The following CNTNAP2 variants were observed in gnomAD, a reference collection of about 807,000 sequenced individuals.
CNTNAP2 encodes the protein contactin associated protein 2.
A neutral mutation model predicts 155.2 loss-of-function variants in CNTNAP2; 98 were observed. The ratio of observed to expected loss-of-function variants is 0.63; its 90% CI spans 0.54 to 0.75. CNTNAP2 has a LOEUF of 0.75. CNTNAP2 is among the 30% of genes least tolerant of loss of function. The pLI, the probability that CNTNAP2 is intolerant of heterozygous loss-of-function variation, is 0.00. For missense variants in CNTNAP2, 1,727 were observed against 1,688.1 expected (o/e 1.02, Z -0.40); for synonymous variants, 651 against 631.2 (o/e 1.03, Z -0.47).
At chr7:147,174,598 A>G (rs538759826) in intron 8 of CNTNAP2, among the ~76,000 whole-genome samples, 114 of 152,292 alleles carry the variant, frequency 7.5e-4, no homozygotes, top group African/African-American at 2.6e-3. Context: ...CACATAGATT[A>G]TACATATGCT....
At chr7:147,308,308 G>A (rs902060338) in intron 9 of CNTNAP2, among the ~76,000 whole-genome samples, 2 of 152,182 alleles carry the variant, frequency 1.3e-5, no homozygotes, top group South Asian at 2.1e-4. Context: ...AGGTTGGACC[G>A]AGTGAATCTA....
intron 22 of CNTNAP2, among the ~76,000 whole-genome samples, chr7:148,388,653 C>T (rs978245391): frequency 6.6e-6 from 1 of 151,970 alleles, no homozygotes; most frequent in African/African-American, 2.4e-5. Context: ...TTTTCCCTAT[C>T]TTTGTGGTTT....
chr7:147,718,609 C>T (rs1796517254), intron 13 of CNTNAP2, among the ~76,000 whole-genome samples: 1 of 151,844 alleles, frequency 6.6e-6, no homozygotes, highest in Non-Finnish European at 1.5e-5. Flanking sequence ...TTTGGTAAGA[C>T]CTGTTTTGCT....
intron 1 of CNTNAP2, among the ~76,000 whole-genome samples, chr7:146,709,951 G>T (rs1446928349): frequency 6.6e-6 from 1 of 152,160 alleles, no homozygotes; most frequent in Non-Finnish European, 1.5e-5. Context: ...GGTCAACATT[G>T]TATAGGAGAG....
chr7:147,063,345 T>A (rs183370895), intron 4 of CNTNAP2, among the ~76,000 whole-genome samples: 2 of 147,432 alleles, frequency 1.4e-5, no homozygotes, highest in African/African-American at 5.0e-5. Context: ...ATCCTATATA[T>A]GAAATGACTT....
chr7:147,546,906 A>G (rs1210046111), intron 11 of CNTNAP2, among the ~76,000 whole-genome samples: 1 of 152,158 alleles, frequency 6.6e-6, no homozygotes, highest in African/African-American at 2.4e-5. Flanking sequence ...GGCCACATCA[A>G]TTTCTGAGAC....
intron 13 of CNTNAP2, among the ~76,000 whole-genome samples, chr7:147,756,515 A>T (rs1011613324): frequency 5.3e-5 from 8 of 152,218 alleles, no homozygotes; most frequent in African/African-American, 1.9e-4. Flanking sequence ...AGGATAGCCG[A>T]TGTTTTGTCA....
chr7:147,309,507 T>C (rs1163375122), intron 9 of CNTNAP2, among the ~76,000 whole-genome samples: 1 of 152,158 alleles, frequency 6.6e-6, no homozygotes, highest in African/African-American at 2.4e-5. Flanking sequence ...TTTTTCTTAG[T>C]ATTTTTAATA....
At chr7:146,203,482 G>C (rs1241551703) in intron 1 of CNTNAP2, among the ~76,000 whole-genome samples, 4 of 152,308 alleles carry the variant, frequency 2.6e-5, no homozygotes, top group African/African-American at 9.6e-5. Flanking sequence ...GGATGAGTGT[G>C]GCAGTGTACA....
chr7:146,365,493 A>T (rs1056357871), intron 1 of CNTNAP2, among the ~76,000 whole-genome samples: 2 of 152,242 alleles, frequency 1.3e-5, no homozygotes, highest in African/African-American at 4.8e-5. Flanking sequence ...TAAAGGACAG[A>T]TACATGTGTC....
chr7:147,772,793 C>G (rs986639748), intron 13 of CNTNAP2, among the ~76,000 whole-genome samples: 2 of 152,114 alleles, frequency 1.3e-5, no homozygotes, highest in East Asian at 1.9e-4. Context: ...AGAGACATCT[C>G]CCACATACAG....
intron 1 of CNTNAP2, among the ~76,000 whole-genome samples, chr7:146,472,202 T>G (rs971302569): frequency 1.3e-5 from 2 of 152,158 alleles, no homozygotes; most frequent in Middle Eastern, 3.2e-3. Flanking sequence ...ATTAATATAT[T>G]TAGACCTAAT....
chr7:147,070,637 T>C (rs1403611922), intron 4 of CNTNAP2, among the ~76,000 whole-genome samples: 1 of 152,164 alleles, frequency 6.6e-6, no homozygotes, highest in African/African-American at 2.4e-5. Context: ...AGCTTTGCAT[T>C]TGTCATTAAA....
In CNTNAP2 at chr7:147,885,403, C is replaced by G. The variant is rs1160531171; in HGVS notation, c.2099-18162C>G. Among the ~76,000 whole-genome samples the G allele has an allele frequency of 2.6e-5, 4 of 152,150 alleles. No homozygotes were observed. The East Asian group carries it at 7.7e-4, about 29-fold the overall frequency. ...CACGTTGGGAAGAAGTAGTAAATAT[C>G]ATAATAGTGATTGTAGTTATTGATC... On this transcript the variant is annotated intron_variant, in intron 13 of 23. Transcript: ENST00000361727.
chr7:148,316,671 TA>T (rs752209467), intron 21 of CNTNAP2, among the ~76,000 whole-genome samples: 1 of 152,052 alleles, frequency 6.6e-6, no homozygotes, highest in Admixed American at 6.6e-5. Context: ...GGAATAGAAG[TA>T]AAAATATCAA....
At chr7:146,453,650 G>T (rs1190547705) in intron 1 of CNTNAP2, among the ~76,000 whole-genome samples, 1 of 152,044 alleles carries the variant, frequency 6.6e-6, no homozygotes, top group East Asian at 1.9e-4. Context: ...TAGTAAACAA[G>T]AACATTTTTG....
In CNTNAP2 at chr7:147,242,987, A is replaced by ATTTTTTTTTTTTTTTTTTTTTTTTT. The variant is rs766917054; in HGVS notation, c.1349-57149_1349-57125dup. 1.5e-4 allele frequency among the ~76,000 whole-genome samples: 7 copies of ATTTTTTTTTTTTTTTTTTTTTTTTT among 47,168 alleles called. 2 individuals carry two copies. The highest frequency in any genetic ancestry group is 4.3e-4 in the African/African-American group (5 of 11,742). 30.9% of individuals were successfully genotyped at this position (47,168 alleles called of 152,430 possible). On this transcript the variant is annotated intron_variant, in intron 8 of 23. Coordinates refer to ENST00000361727, the MANE Select transcript of CNTNAP2 (RefSeq NM_014141.6). ...TGTTGTATTCCACACTATGCTTTGCATTTTTTTTTTTTTTTTTTTTTTTTT... is the reference window on the plus strand; with the variant it reads ...TGTTGTATTCCACACTATGCTTTGCATTTTTTTTTTTTTTTTTTTTTTTTTTTTTTTTTTTTTTTTTTTTTTTTTT...
At chr7:146,550,606 C>T (rs927527662) in intron 1 of CNTNAP2, among the ~76,000 whole-genome samples, 1 of 151,634 alleles carries the variant, frequency 6.6e-6, no homozygotes, top group Non-Finnish European at 1.5e-5. Context: ...TTATTTCCCC[C>T]TGTGTATTAT....
At chr7:146,870,016 T>C (rs1418487565) in intron 3 of CNTNAP2, among the ~76,000 whole-genome samples, 1 of 152,176 alleles carries the variant, frequency 6.6e-6, no homozygotes, top group Non-Finnish European at 1.5e-5. Flanking sequence ...TGCATCATAG[T>C]TCATCAATGA....
Sources: allele counts gnomAD v4.1 joint callset (sites outside exome capture counted in the v4.1 genomes callset), GRCh38; gene constraint gnomAD v4.1.1; transcripts MANE v1.5; gene names NCBI Gene and HGNC (gene_info 2026-07-23, HGNC 2026-07-21).